Variants in PBX1 observed in about 807,000 individuals in gnomAD.
The protein encoded by PBX1 is PBX homeobox 1, also known as pre-B-cell leukemia transcription factor 1.
A neutral mutation model predicts 53.4 loss-of-function variants in PBX1; 6 were observed. The observed-to-expected ratio is 0.11, with a 90% CI of 0.06 to 0.22. The LOEUF (loss-of-function observed/expected upper bound fraction) is 0.22, where lower values mean the gene tolerates loss of function less well. Ranked by LOEUF, PBX1 falls within the 10% of genes least tolerant of loss-of-function variation. The pLI is 1.00. For synonymous variants in PBX1, 204 were observed against 212.3 expected (o/e 0.96, Z 0.34); for missense variants, 251 against 551.4 (o/e 0.46, Z 5.46).
chr1:164,807,829 T>A (rs1669429565), intron 5 of PBX1, 152 bp downstream of exon 5: 2 of 807,552 alleles, frequency 2.5e-6, no homozygotes, highest in African/African-American at 1.7e-5. Flanking sequence ...TTGATGTGTA[T>A]GCGTATAAGT....
At chr1:164,833,466 G>A (rs10494425) in intron 8 of PBX1, among the ~76,000 whole-genome samples, 9,711 of 152,256 alleles carry the variant, frequency 0.064, 318 homozygotes, top group African/African-American at 0.082. Context: ...ACCTATGGCA[G>A]TGGGCAAACA....
chr1:164,858,229 C>T (rs1672018477), intron 2 of PBX1, among the ~76,000 whole-genome samples: 1 of 152,070 alleles, frequency 6.6e-6, no homozygotes, highest in Non-Finnish European at 1.5e-5. Context: ...GATACTGATT[C>T]CATTTCTCCT....
downstream of PBX1, among the ~76,000 whole-genome samples, chr1:164,853,935 AT>A (rs199560431): frequency 2.3e-5 from 3 of 130,990 alleles, no homozygotes; most frequent in South Asian, 5.0e-4. Flanking sequence ...ATTTTTATTT[AT>A]TTTATTTTTT....
intron 8 of PBX1, among the ~76,000 whole-genome samples, chr1:164,823,315 T>A (rs1484253259): frequency 6.6e-6 from 1 of 152,144 alleles, no homozygotes; most frequent in African/African-American, 2.4e-5. Flanking sequence ...GAATTCCAAA[T>A]GAATGAAGTT....
At chr1:164,802,763 CATT>C (rs1277376004) in intron 4 of PBX1, among the ~76,000 whole-genome samples, 2 of 94,160 alleles carry the variant, frequency 2.1e-5, no homozygotes, top group African/African-American at 5.7e-5. Flanking sequence ...AAATTCCACA[CATT>C]CATTCATTCA....
rs544502845 is a variant in PBX1, at chr1:164,775,640, G to A, written c.266-16854G>A. 2.0e-5 allele frequency among the ~76,000 whole-genome samples: 3 copies of A among 152,296 alleles called. No individual in the cohort carries two copies. In the South Asian group the frequency reaches 6.2e-4, roughly 32 times the overall value. ...TTGTTATAACCGTCTGCCCAGTGAT[G>A]TTGGCGTGATTTATGCTGGCTGCAC... On this transcript the variant is annotated intron_variant, in intron 2 of 8. Transcript: ENST00000420696.
chr1:164,660,701 C>A lies in PBX1; in HGVS notation c.265+97390C>A, dbSNP rs558192025. On this transcript the variant is annotated intron_variant, in intron 2 of 8. Coordinates refer to ENST00000420696, the MANE Select transcript of PBX1 (RefSeq NM_002585.4). ...CAGAGCAGCTTTTATGTACATCATC[C>A]TTGACTACAGCTCTTCAGTGCCTTT... Among the ~76,000 whole-genome samples, 2 of 152,306 alleles carry A rather than the reference C, an allele frequency of 1.3e-5. 1 individual carries two copies. The highest frequency in any genetic ancestry group is 4.1e-4 in the South Asian group (2 of 4,826).
chr1:164,687,881 G>T (rs537570629), intron 2 of PBX1, among the ~76,000 whole-genome samples: 7 of 152,294 alleles, frequency 4.6e-5, no homozygotes, highest in African/African-American at 1.4e-4. Flanking sequence ...TAAGAACCAG[G>T]TGGGTTGTTC....
chr1:164,861,028 T>C (rs1198689839), intron 2 of PBX1, among the ~76,000 whole-genome samples: 1 of 147,962 alleles, frequency 6.8e-6, no homozygotes, highest in Non-Finnish European at 1.5e-5. Context: ...GAGAGAAAAA[T>C]TGAAGGAACA....
Position 164,850,981 on chromosome 1 carries a change from T to A in PBX1, c.*4305T>A, listed in dbSNP as rs758829305. The A allele has an allele frequency of 1.4e-5, 3 of 219,256 alleles. No homozygotes were observed. Among genetic ancestry groups the A allele is most frequent in the Non-Finnish European group, 2.7e-5 (3 of 109,176 alleles). The allele number at this position is 219,256 out of a possible 1,614,324, so 13.6% of individuals were successfully genotyped here. A position where few individuals can be genotyped will look rare whatever the true frequency, so the allele number is the denominator to read the frequency against. On this transcript the variant is annotated 3_prime_UTR_variant, in exon 9 of 9. Coordinates refer to ENST00000420696, the MANE Select transcript of PBX1 (RefSeq NM_002585.4). Reference sequence around the variant, plus strand: ...GGAGATGCTGGTATGATGGGCACCATTGGTTAAGTAAACTACATGCAGGAA... The same window carrying A: ...GGAGATGCTGGTATGATGGGCACCAATGGTTAAGTAAACTACATGCAGGAA...
chr1:164,574,439 A>G (rs989428537), intron 2 of PBX1, among the ~76,000 whole-genome samples: 13 of 152,204 alleles, frequency 8.5e-5, no homozygotes, highest in African/African-American at 2.9e-4. Flanking sequence ...ATCTGACTCC[A>G]TATTCCATGG....
chr1:164,821,503 C>G, intron 7 of PBX1, 34 bp from the exon 8 acceptor site: 1 of 1,545,982 alleles, frequency 6.5e-7, no homozygotes, highest in African/African-American at 1.4e-5. Context: ...ACCTCTCTGA[C>G]TAATTTTCTC....
At chr1:164,616,390 T>G (rs1250093513) in intron 2 of PBX1, among the ~76,000 whole-genome samples, 2 of 152,218 alleles carry the variant, frequency 1.3e-5, no homozygotes, top group East Asian at 3.9e-4. Context: ...CTGATCTATA[T>G]ATTATTGTGT....
chr1:164,876,275 G>A (rs1265264296), intron 2 of PBX1, among the ~76,000 whole-genome samples: 1 of 151,978 alleles, frequency 6.6e-6, no homozygotes, highest in Non-Finnish European at 1.5e-5. Flanking sequence ...GGATGGCGCA[G>A]CAGCGTCTGT....
At chr1:164,878,328 A>G (rs1412326409) in intron 2 of PBX1, among the ~76,000 whole-genome samples, 1 of 152,242 alleles carries the variant, frequency 6.6e-6, no homozygotes, top group Admixed American at 6.5e-5. Flanking sequence ...TGCAATTAAA[A>G]TAAATTTTTA....
At chr1:164,637,747 C>T (rs934185429) in intron 2 of PBX1, among the ~76,000 whole-genome samples, 3 of 152,208 alleles carry the variant, frequency 2.0e-5, no homozygotes, top group African/African-American at 7.2e-5. Context: ...AGGTATTTGG[C>T]CCTTATTTTG....
Position 164,830,141 on chromosome 1 carries a change from T to C in PBX1, c.1200+8515T>C, listed in dbSNP as rs370536735. On this transcript the variant is annotated intron_variant, in intron 8 of 8. Transcript: ENST00000420696. ...AAGTAAGTTAAAAGAATAAATGTGATGGTGTGCAAGAGTAATATAAAACTA... is the reference window on the plus strand; with the variant it reads ...AAGTAAGTTAAAAGAATAAATGTGACGGTGTGCAAGAGTAATATAAAACTA... 1.9e-3 allele frequency among the ~76,000 whole-genome samples: 285 copies of C among 152,264 alleles called. 9 individuals carry two copies. In the South Asian group the frequency reaches 0.043, roughly 23 times the overall value.
At chr1:164,609,135 A>G (rs1656739885) in intron 2 of PBX1, among the ~76,000 whole-genome samples, 1 of 152,130 alleles carries the variant, frequency 6.6e-6, no homozygotes, top group Non-Finnish European at 1.5e-5. Flanking sequence ...ACTTTTCAGG[A>G]GGCCTCTTTG....
chr1:164,635,595 T>C (rs938405852), intron 2 of PBX1, among the ~76,000 whole-genome samples: 6 of 152,236 alleles, frequency 3.9e-5, no homozygotes, highest in Non-Finnish European at 7.3e-5. Context: ...CTCCCGCTCG[T>C]CTCGCCACGC....
Sources: allele counts gnomAD v4.1 joint callset (sites outside exome capture counted in the v4.1 genomes callset), GRCh38; gene constraint gnomAD v4.1.1; transcripts MANE v1.5; gene names NCBI Gene and HGNC (gene_info 2026-07-23, HGNC 2026-07-21).